Variants in PLIN4 observed in about 807,000 individuals in gnomAD.
The protein encoded by PLIN4 is perilipin 4, also known as perilipin-4.
A neutral mutation model predicts 52.4 loss-of-function variants in PLIN4; 57 were observed. The ratio of observed to expected loss-of-function variants is 1.09; its 90% CI spans 0.88 to 1.36. The LOEUF is 1.36. Among genes scored for constraint, PLIN4 ranks in the 40% most tolerant of loss-of-function variants. The pLI is 0.00. For synonymous variants in PLIN4, 826 were observed against 785.4 expected (o/e 1.05, Z -0.86); for missense variants, 1,757 against 1,770.3 (o/e 0.99, Z 0.13).
rs556646085 is a variant in PLIN4, at chr19:4,518,235, T to C, written c.38A>G (p.Lys13Arg). 1.2e-5 allele frequency: 15 copies of C among 1,232,734 alleles called. No individual in the cohort carries two copies. Among genetic ancestry groups the C allele is most frequent in the African/African-American group, 6.2e-5 (4 of 64,398 alleles). 76.4% of individuals were successfully genotyped at this position (1,232,734 alleles called of 1,614,324 possible). A position where few individuals can be genotyped will look rare whatever the true frequency, so the allele number is the denominator to read the frequency against. ...TCCCCTCTTTACCTTGCCCTTCGGT[T>C]TGGGGGGATCCCGTCTCCCTTCGTC... Reference protein sequence around the residue: ...APDEGRRDPPKPKGKTLGSFF... With the variant: ...APDEGRRDPPRPKGKTLGSFF... Residue 13 changes from lysine to arginine, a missense_variant, in exon 2 of 8, where the codon AAA (lysine) becomes AGA (arginine). Lys to Arg is a conservative substitution (Grantham distance 26). This residue lies in a region of PLIN4 where 332 missense variants were observed against 310.8 expected (regional missense o/e 1.07). Coordinates refer to ENST00000301286, the MANE Select transcript of PLIN4 (RefSeq NM_001367868.2).
Position 4,512,477 on chromosome 19 carries a change from G to A in PLIN4, c.1483C>T (p.Leu495=), listed in dbSNP as rs1440665081. ...GACACAGCATCTTTAGTGCCAGTCA[G>A]GACAGACTTTGTAGTGTCCAGGCCG... ...QGGLDTTKSV[L]TGTKDAVSTG... The change falls in exon 5 of 8, where the codon CTG becomes TTG. Residue 495 remains leucine, a synonymous_variant. Coordinates refer to ENST00000301286, the MANE Select transcript of PLIN4 (RefSeq NM_001367868.2). 1 of 1,598,780 alleles carries A rather than the reference G, an allele frequency of 6.3e-7. No individual in the cohort carries two copies. Among genetic ancestry groups the A allele is most frequent in the African/African-American group, 1.4e-5 (1 of 70,886 alleles).
At chr19:4,509,465 A>T (rs1401392255) in intron 5 of PLIN4, among the ~76,000 whole-genome samples, 1 of 149,344 alleles carries the variant, frequency 6.7e-6, no homozygotes, top group Non-Finnish European at 1.5e-5. Context: ...AAAAATATAA[A>T]ATAATAATAA....
At chr19:4,509,333 G>T (rs1241345723) in intron 5 of PLIN4, among the ~76,000 whole-genome samples, 13 of 37,142 alleles carry the variant, frequency 3.5e-4, no homozygotes, top group Admixed American at 5.7e-4. Flanking sequence ...AAAGTTAAGT[G>T]AGGCCAGGCG....
Position 4,510,510 on chromosome 19 carries a change from T to A in PLIN4, c.3450A>T (p.Ala1150=), listed in dbSNP as rs780005283. 1.6e-5 allele frequency: 24 copies of A among 1,473,932 alleles called. No homozygotes were observed. The highest frequency in any genetic ancestry group is 2.5e-5 in the Admixed American group (1 of 39,608). The allele number at this position is 1,473,932 out of a possible 1,614,324, so 91.3% of individuals were successfully genotyped here. ...THGPEEAPRL[A]MLQNELEGLG... ...GCCCCTCCAACTCATTCTGCAGCAT[T>A]GCCAAGCGTGGGGCTTCTTCGGGGC... Residue 1150 remains alanine (A), a synonymous_variant, in exon 5 of 8, where the codon GCA becomes GCT. Coordinates refer to ENST00000301286, the MANE Select transcript of PLIN4 (RefSeq NM_001367868.2).
chr19:4,510,068 A>ATTTT (rs1336308714), intron 5 of PLIN4, among the ~76,000 whole-genome samples: 26 of 118,766 alleles, frequency 2.2e-4, no homozygotes, highest in Admixed American at 6.6e-4. Context: ...ACATTTTTAA[A>ATTTT]AAAAAAGTCA....
In PLIN4 at chr19:4,503,395, G is replaced by C. The variant is rs916550639; in HGVS notation, c.*1064C>G. Reference sequence around the variant, plus strand: ...ACGACCTGGGCTAGCCTGAGAGCACGGGGCCCGGCGGCCGGGTCCGCCACC... The same window carrying C: ...ACGACCTGGGCTAGCCTGAGAGCACCGGGCCCGGCGGCCGGGTCCGCCACC... On this transcript the variant is annotated 3_prime_UTR_variant, in exon 8 of 8. Coordinates refer to ENST00000301286, the MANE Select transcript of PLIN4 (RefSeq NM_001367868.2). 1 of 152,780 alleles carries C rather than the reference G, an allele frequency of 6.5e-6. No homozygotes were observed. Among genetic ancestry groups the C allele is most frequent in the Non-Finnish European group, 1.5e-5 (1 of 68,504 alleles). 9.5% of individuals were successfully genotyped at this position (152,780 alleles called of 1,614,324 possible). A position where few individuals can be genotyped will look rare whatever the true frequency, so the allele number is the denominator to read the frequency against.
intron 5 of PLIN4, 69 bp from the exon 6 acceptor site, chr19:4,509,024 T>G (rs531966507): frequency 4.1e-6 from 6 of 1,465,646 alleles, no homozygotes; most frequent in Middle Eastern, 1.8e-4. Flanking sequence ...AAAAGTCAAG[T>G]GAGGGCCGGG....
intron 6 of PLIN4, among the ~76,000 whole-genome samples, chr19:4,506,212 G>A (rs913630927): frequency 6.6e-6 from 1 of 152,122 alleles, no homozygotes. Flanking sequence ...CGAAGCCCAG[G>A]TCCGGCCCAA....
intron 6 of PLIN4, among the ~76,000 whole-genome samples, chr19:4,506,752 G>A (rs2145250659): frequency 6.6e-6 from 1 of 152,396 alleles, no homozygotes; most frequent in African/African-American, 2.4e-5. Flanking sequence ...ATTCAAAGGT[G>A]GGAAAATGCT....
intron 6 of PLIN4, among the ~76,000 whole-genome samples, chr19:4,505,593 C>G (rs1385660162): frequency 2.6e-5 from 4 of 152,206 alleles, no homozygotes; most frequent in African/African-American, 7.2e-5. Flanking sequence ...CAGGGGAACA[C>G]TCAGGACTCT....
intron 6 of PLIN4, among the ~76,000 whole-genome samples, chr19:4,506,997 C>T (rs1414523309): frequency 6.6e-6 from 1 of 152,182 alleles, no homozygotes; most frequent in Non-Finnish European, 1.5e-5. Flanking sequence ...TGGGGCCACC[C>T]TGGGCACTGC....
In PLIN4 at chr19:4,512,365, T is replaced by C. The variant is rs377194878; in HGVS notation, c.1595A>G (p.Lys532Arg). 6.2e-7 allele frequency: 1 copy of C among 1,608,880 alleles called. No homozygotes were observed. The highest frequency in any genetic ancestry group is 8.5e-7 in the Non-Finnish European group (1 of 1,177,880). Reference sequence around the variant, plus strand: ...GGTCACCCCACTGCAGACGGTGTCCTTGGTGCCGGTTAGGACAGTCTTGGT... The same window carrying C: ...GGTCACCCCACTGCAGACGGTGTCCCTGGTGCCGGTTAGGACAGTCTTGGT... ...DTTKTVLTGT[K>R]DTVCSGVTSA... is the part of the protein sequence containing the mutation. The change falls in exon 5 of 8, where the codon AAG becomes AGG. Residue 532 changes from lysine to arginine, a missense_variant. This residue lies in a region of PLIN4 where 439 missense variants were observed against 406.4 expected (regional missense o/e 1.08). Transcript: ENST00000301286.
At position 4,511,213 on chromosome 19, in the gene PLIN4, C is replaced by T. The variant is rs1220222689; in HGVS notation, c.2747G>A (p.Gly916Asp). The T allele has an allele frequency of 1.9e-6, 3 of 1,612,560 alleles. No individual in the cohort carries two copies. Among genetic ancestry groups the T allele is most frequent in the Non-Finnish European group, 2.5e-6 (3 of 1,179,004 alleles). ...CAGGACAGTCTTGCTGGTGTCCACG[C>T]CGGTCTGGACAGTCCCTTTGGCCAA... is the stretch of plus-strand genomic sequence containing the variant. The part of the protein sequence containing the change: ...VNLAKGTVQT[G>D]VDTSKTVLTG... The change falls in exon 5 of 8, where the codon GGC (glycine) becomes GAC (aspartate). Residue 916 changes from glycine to aspartate, a missense_variant. Gly to Asp is a moderately conservative substitution (Grantham distance 94). Around this residue, in one of 7 missense-constraint regions of PLIN4, gnomAD observed 712 missense variants for 637.1 expected, o/e 1.12. Coordinates refer to ENST00000301286, the MANE Select transcript of PLIN4 (RefSeq NM_001367868.2).
chr19:4,510,082 G>A (rs560218405), intron 5 of PLIN4, among the ~76,000 whole-genome samples: 29 of 151,866 alleles, frequency 1.9e-4, no homozygotes, highest in African/African-American at 7.0e-4. Flanking sequence ...AAAGTCAAGG[G>A]CCCAGCTGGG....
At position 4,512,480 on chromosome 19, in the gene PLIN4, C is replaced by T; in HGVS notation, c.1480G>A (p.Val494Ile). The change falls in exon 5 of 8, where the codon GTC (valine) becomes ATC (isoleucine). Residue 494 changes from valine (V) to isoleucine (I), a missense_variant. This residue lies in a region of PLIN4 where 439 missense variants were observed against 406.4 expected (regional missense o/e 1.08). Coordinates refer to ENST00000301286, the MANE Select transcript of PLIN4 (RefSeq NM_001367868.2). The stretch of plus-strand genomic sequence containing the variant: ...ACAGCATCTTTAGTGCCAGTCAGGA[C>T]AGACTTTGTAGTGTCCAGGCCGCCC... ...VQGGLDTTKS[V>I]LTGTKDAVST... is the part of the protein sequence containing the mutation. 6.2e-7 allele frequency: 1 copy of T among 1,605,920 alleles called. No individual in the cohort carries two copies. Among genetic ancestry groups the T allele is most frequent in the Admixed American group, 1.7e-5 (1 of 59,510 alleles).
At chr19:4,508,556 C>T (rs1475945285) in intron 6 of PLIN4, among the ~76,000 whole-genome samples, 2 of 152,222 alleles carry the variant, frequency 1.3e-5, no homozygotes, top group African/African-American at 2.4e-5. Context: ...CGTGAGCCAC[C>T]GCACCCAGCC....
Position 4,504,281 on chromosome 19 carries a change from G to T in PLIN4, c.*178C>A. 1 of 613,652 alleles carries T rather than the reference G, an allele frequency of 1.6e-6. No individual in the cohort carries two copies. The highest frequency in any genetic ancestry group is 2.7e-6 in the Non-Finnish European group (1 of 371,222). 38.0% of individuals were successfully genotyped at this position (613,652 alleles called of 1,614,324 possible). A position where few individuals can be genotyped will look rare whatever the true frequency, so the allele number is the denominator to read the frequency against. ...AGGCAGGCCCGGAGCAGGGCGTGGG[G>T]TGGCTCAGTTAAGAAGGTCACTGCC... On this transcript the variant is annotated 3_prime_UTR_variant, in exon 8 of 8. Transcript: ENST00000301286.
Position 4,518,457 on chromosome 19 carries a change from C to T in PLIN4, c.-90G>A. ...GCTCACCTGGACTGCGCGGGGTCCC[C>T]TGGAGGACGGACCGGCCCGGCTGGC... On this transcript the variant is annotated 5_prime_UTR_variant, in exon 1 of 8. Transcript: ENST00000301286. The T allele has an allele frequency of 8.2e-7, 1 of 1,223,358 alleles. No homozygotes were observed. The allele number at this position is 1,223,358 out of a possible 1,614,324, so 75.8% of individuals were successfully genotyped here.
At chr19:4,507,506 A>G (rs1247310738) in intron 6 of PLIN4, among the ~76,000 whole-genome samples, 1 of 152,076 alleles carries the variant, frequency 6.6e-6, no homozygotes, top group East Asian at 1.9e-4. Flanking sequence ...AACATAGCAA[A>G]ATCTAATCTC....
Sources: allele counts gnomAD v4.1 joint callset (sites outside exome capture counted in the v4.1 genomes callset), GRCh38; gene constraint gnomAD v4.1.1; regional missense constraint gnomAD v4.1.1; transcripts MANE v1.5; gene names NCBI Gene and HGNC (gene_info 2026-07-23, HGNC 2026-07-21).